Variants in SORBS2 observed in about 807,000 individuals in gnomAD.
SORBS2 encodes the protein sorbin and SH3 domain-containing protein 2.
A neutral mutation model predicts 97.7 loss-of-function variants in SORBS2; 46 were observed. The ratio of observed to expected loss-of-function variants is 0.47; its 90% CI spans 0.37 to 0.60. SORBS2 has a LOEUF of 0.60. SORBS2 is among the 20% of genes least tolerant of loss of function. The probability of loss-of-function intolerance (pLI) is 0.00; values close to 1 mark genes in which losing one functional copy is unlikely to be tolerated. For synonymous variants in SORBS2, 476 were observed against 473.4 expected, an observed-to-expected ratio of 1.01 and a Z score of -0.07; for missense variants, 1,316 against 1,282.3, an observed-to-expected ratio of 1.03 and a Z score of -0.40.
At chr4:185,709,271 G>A (rs2098391744) in intron 2 of SORBS2, among the ~76,000 whole-genome samples, 1 of 141,838 alleles carries the variant, frequency 7.1e-6, no homozygotes, top group South Asian at 2.3e-4. Context: ...AAAGTGCTGG[G>A]ATTATAGGCA....
chr4:185,910,548 T>C (rs2099254378), intron 1 of SORBS2, among the ~76,000 whole-genome samples: 1 of 152,162 alleles, frequency 6.6e-6, no homozygotes, highest in Admixed American at 6.5e-5. Context: ...TATTCATTTA[T>C]GTGTTTGTTT....
At chr4:185,833,207 G>C (rs766040180) in intron 1 of SORBS2, among the ~76,000 whole-genome samples, 10 of 152,200 alleles carry the variant, frequency 6.6e-5, no homozygotes, top group Non-Finnish European at 1.3e-4. Flanking sequence ...TGCACATTGT[G>C]TCCAAGTAAT....
At chr4:185,910,536 A>C (rs1476076696) in intron 1 of SORBS2, among the ~76,000 whole-genome samples, 1 of 151,872 alleles carries the variant, frequency 6.6e-6, no homozygotes. Context: ...TGAAACTTTT[A>C]TTATTCATTT....
intron 1 of SORBS2, among the ~76,000 whole-genome samples, chr4:185,805,042 G>A (rs2099147250): frequency 1.3e-5 from 2 of 151,450 alleles, no homozygotes; most frequent in South Asian, 4.2e-4. Context: ...AACTCTTTAG[G>A]TTGATTATAT....
At chr4:185,823,012 G>A (rs2099197709) in intron 1 of SORBS2, among the ~76,000 whole-genome samples, 1 of 152,168 alleles carries the variant, frequency 6.6e-6, no homozygotes, top group South Asian at 2.1e-4. Flanking sequence ...CAGATAGAAG[G>A]TTTGATATCT....
chr4:185,760,349 G>A (rs988800651), intron 2 of SORBS2, among the ~76,000 whole-genome samples: 1 of 152,158 alleles, frequency 6.6e-6, no homozygotes, highest in African/African-American at 2.4e-5. Flanking sequence ...ATCACCTGAG[G>A]TCAGAAGTTC....
At chr4:185,633,933 T>G (rs1379801906) in intron 4 of SORBS2, among the ~76,000 whole-genome samples, 1 of 152,188 alleles carries the variant, frequency 6.6e-6, no homozygotes, top group Non-Finnish European at 1.5e-5. Context: ...AAATAAATTC[T>G]TGGGTTGTTC....
chr4:185,646,666 A>G lies in SORBS2; in HGVS notation c.396+2T>C. Reference sequence around the variant, plus strand: ...ATATTCTGTTTAATGACAAGTGCTTACTGGTCTTTCATGCTGAAGAATTGA... The same window carrying G: ...ATATTCTGTTTAATGACAAGTGCTTGCTGGTCTTTCATGCTGAAGAATTGA... On this transcript the variant is annotated splice_donor_variant, in intron 4 of 14. Coordinates refer to ENST00000418609, the Ensembl canonical transcript of SORBS2. LOFTEE classifies it high-confidence loss of function. The G allele has an allele frequency of 6.3e-7, 1 of 1,585,092 alleles. No homozygotes were observed. Among genetic ancestry groups the G allele is most frequent in the South Asian group, 1.1e-5 (1 of 90,490 alleles).
chr4:185,606,546 G>A lies in SORBS2; in HGVS notation c.2796+5234C>T. On this transcript the variant is annotated intron_variant, in intron 12 of 14. Transcript: ENST00000418609. This position sits in a 1 kb window ranked among gnomAD's most constrained non-coding sequence, Gnocchi z 4.3. ...AACTCTAATAGCTAATCATGGTAAGGCCGGTTAGTTCTTCCATAATCAGAC... is the reference window on the plus strand; with the variant it reads ...AACTCTAATAGCTAATCATGGTAAGACCGGTTAGTTCTTCCATAATCAGAC... The A allele has an allele frequency of 1.0e-6, 1 of 984,970 alleles. No homozygotes were observed. 61.0% of individuals were successfully genotyped at this position (984,970 alleles called of 1,614,324 possible).
intron 2 of SORBS2, among the ~76,000 whole-genome samples, chr4:185,698,331 C>A (rs892516694): frequency 3.3e-5 from 5 of 152,064 alleles, no homozygotes; most frequent in African/African-American, 1.2e-4. Context: ...CAAAAATTAG[C>A]CGGGCATGGT....
chr4:185,866,501 A>G lies in SORBS2; in HGVS notation c.-338+89695T>C, dbSNP rs1044991582. 7.9e-5 allele frequency among the ~76,000 whole-genome samples: 12 copies of G among 152,246 alleles called. 1 individual carries two copies. Among genetic ancestry groups the G allele is most frequent in the African/African-American group, 2.7e-4 (11 of 41,460 alleles). On this transcript the variant is annotated intron_variant, in intron 1 of 20. Coordinates refer to the SORBS2 transcript ENST00000284776. ...TTGTAAGGGACATGAGCCCCATTCA[A>G]GAGCGTCATGTTTCTTCCTCCTGTT... is the stretch of plus-strand genomic sequence containing the variant.
chr4:185,714,441 ATTTAG>A (rs2098448525), intron 2 of SORBS2, among the ~76,000 whole-genome samples: 1 of 90,636 alleles, frequency 1.1e-5, no homozygotes, highest in African/African-American at 3.2e-5. Context: ...CTTCACTTAA[ATTTAG>A]TTTAGGCTTT....
chr4:185,791,600 G>A lies in SORBS2; in HGVS notation c.-337-16234C>T, dbSNP rs12504222. Among the ~76,000 whole-genome samples, 483 of 151,870 alleles carry A rather than the reference G, an allele frequency of 3.2e-3. 4 individuals carry two copies. Among genetic ancestry groups the A allele is most frequent in the Admixed American group, 0.021 (313 of 15,222 alleles). On this transcript the variant is annotated intron_variant, in intron 1 of 20. Transcript: ENST00000284776. ...TTATTTTTCTTACTCTAAGTGCCTCGGGTGAACTCTTTCACCTAGCATGTT... is the reference window on the plus strand; with the variant it reads ...TTATTTTTCTTACTCTAAGTGCCTCAGGTGAACTCTTTCACCTAGCATGTT...
rs1055979575 is a variant in SORBS2, at chr4:185,677,708, A to G, written c.-46+715T>C. ...AAAACAGAGAAAGTCCAAGTTAGTC[A>G]TGAAAGAAACCAGTGTCAACCTTGC... is the stretch of plus-strand genomic sequence containing the variant. On this transcript the variant is annotated intron_variant, in intron 4 of 20. Transcript: ENST00000284776. 2.3e-6 allele frequency: 3 copies of G among 1,305,538 alleles called. No individual in the cohort carries two copies. In the African/African-American group the frequency reaches 4.5e-5, roughly 19 times the overall value. The allele number at this position is 1,305,538 out of a possible 1,614,324, so 80.9% of individuals were successfully genotyped here.
At chr4:185,734,866 T>C (rs1331630667) in intron 2 of SORBS2, among the ~76,000 whole-genome samples, 1 of 152,226 alleles carries the variant, frequency 6.6e-6, no homozygotes, top group Non-Finnish European at 1.5e-5. Flanking sequence ...TCATCCTTGA[T>C]CATTACACCA....
Position 185,637,937 on chromosome 4 carries a change from A to C in SORBS2, c.397-7339T>G, listed in dbSNP as rs1046442536. The stretch of plus-strand genomic sequence containing the variant: ...CCATTTGGTACAGAAATGAATCTGG[A>C]CTACGCTGTACCAAGTGTGTGTATA... On this transcript the variant is annotated intron_variant, in intron 4 of 14. Coordinates refer to ENST00000418609, the Ensembl canonical transcript of SORBS2. 10 of 611,754 alleles carry C rather than the reference A, an allele frequency of 1.6e-5. 1 individual carries two copies. Among genetic ancestry groups the C allele is most frequent in the Admixed American group, 7.7e-5 (3 of 38,836 alleles). 37.9% of individuals were successfully genotyped at this position (611,754 alleles called of 1,614,324 possible).
rs545217944 is a variant in SORBS2, at chr4:185,924,894, G to A, written c.-338+31302C>T. 2.2e-4 allele frequency among the ~76,000 whole-genome samples: 34 copies of A among 152,176 alleles called. No individual in the cohort carries two copies. The South Asian group carries it at 6.6e-3, about 30-fold the overall frequency. Reference sequence around the variant, plus strand: ...CCATGAAACCACTCCATGTGTGTCCGTGTCATTAATCCTATCGGCGTGAGA... The same window carrying A: ...CCATGAAACCACTCCATGTGTGTCCATGTCATTAATCCTATCGGCGTGAGA... On this transcript the variant is annotated intron_variant, in intron 1 of 20. Coordinates refer to the SORBS2 transcript ENST00000284776.
intron 5 of SORBS2, 32 bp downstream of exon 8, chr4:185,662,072 G>C (rs906528993): frequency 1.9e-5 from 30 of 1,612,376 alleles, no homozygotes; most frequent in Non-Finnish European, 2.5e-5. Flanking sequence ...CATTGAGGTT[G>C]CCATGGAAAT....
chr4:185,639,114 G>T, intron 4 of SORBS2, 79 bp from the exon 14 acceptor site: 2 of 1,309,440 alleles, frequency 1.5e-6, no homozygotes, highest in Non-Finnish European at 2.0e-6. Context: ...CTGGCAGCGC[G>T]CTGTGCCTGC....
Sources: gnomAD v4.1 joint callset for allele counts (sites outside exome capture counted in the v4.1 genomes callset) on GRCh38, gnomAD v4.1.1 for gene constraint, Gnocchi (gnomAD v3.1) non-coding constraint, MANE v1.5 for transcripts, NCBI Gene and HGNC (gene_info 2026-07-23, HGNC 2026-07-21) for gene names.